The following FCF1 variants were observed in gnomAD, a reference collection of about 807,000 sequenced individuals.
FCF1 encodes the protein rRNA-processing protein FCF1 homolog.
Under a neutral mutation model 32.5 loss-of-function variants are expected in FCF1, and 17 were observed. That is an observed-to-expected ratio of 0.52 (90% CI 0.36 to 0.78). FCF1 has a LOEUF of 0.78. Ranked by LOEUF, FCF1 falls within the 30% of genes least tolerant of loss-of-function variation. The pLI, the probability that FCF1 is intolerant of heterozygous loss-of-function variation, is 0.00. For missense variants in FCF1, 201 were observed against 241.1 expected (o/e 0.83, Z 1.10); for synonymous variants, 84 against 78.4 (o/e 1.07, Z -0.38).
At chr14:74,716,843 G>A (rs1293049069) in intron 4 of FCF1, among the ~76,000 whole-genome samples, 1 of 152,142 alleles carries the variant, frequency 6.6e-6, no homozygotes, top group Non-Finnish European at 1.5e-5. Flanking sequence ...TAAATTACTG[G>A]AATCAAAGGG....
intron 4 of FCF1, among the ~76,000 whole-genome samples, chr14:74,722,469 C>T (rs2090517554): frequency 6.6e-6 from 1 of 152,126 alleles, no homozygotes; most frequent in African/African-American, 2.4e-5. Context: ...ATTTAGTTAA[C>T]TTCTTTGTGT....
intron 3 of FCF1, 193 bp from the exon 4 acceptor site, chr14:74,715,758 A>T (rs2090409481): frequency 7.9e-7 from 1 of 1,271,952 alleles, no homozygotes; most frequent in African/African-American, 1.5e-5. Flanking sequence ...TTGGTGACAA[A>T]GGTTGCCAGG....
intron 5 of FCF1, among the ~76,000 whole-genome samples, chr14:74,727,943 G>A (rs939819723): frequency 2.6e-5 from 4 of 152,266 alleles, no homozygotes; most frequent in Non-Finnish European, 5.9e-5. Flanking sequence ...TGAGGGCTCT[G>A]TTCCGTTTCA....
At position 74,736,051 on chromosome 14, in the gene FCF1, G is replaced by T. The variant is rs1397634006; in HGVS notation, c.*1121G>T. The T allele has an allele frequency of 6.6e-6, 1 of 152,342 alleles. No individual in the cohort carries two copies. The highest frequency in any genetic ancestry group is 1.5e-5 in the Non-Finnish European group (1 of 68,228). The allele number at this position is 152,342 out of a possible 1,614,324, so 9.4% of individuals were successfully genotyped here. A position where few individuals can be genotyped will look rare whatever the true frequency, so the allele number is the denominator to read the frequency against. On this transcript the variant is annotated 3_prime_UTR_variant, in exon 8 of 8. Transcript: ENST00000341162. ...GGAGTAGCTGGGACTATAGGTGCGTGCCACCACGTCCAGCCACTGATGCTG... is the reference window on the plus strand; with the variant it reads ...GGAGTAGCTGGGACTATAGGTGCGTTCCACCACGTCCAGCCACTGATGCTG...
intron 4 of FCF1, among the ~76,000 whole-genome samples, chr14:74,719,287 C>G (rs1456035662): frequency 6.7e-6 from 1 of 149,552 alleles, no homozygotes; most frequent in Admixed American, 6.7e-5. Context: ...AGAGCAAGAC[C>G]CTGTCTTTAA....
chr14:74,715,304 G>GGT (rs2090403673), intron 3 of FCF1, among the ~76,000 whole-genome samples: 13 of 151,938 alleles, frequency 8.6e-5, no homozygotes, highest in Non-Finnish European at 1.9e-4. Context: ...TTTATATAAA[G>GGT]ATATGACCTT....
chr14:74,731,430 T>A (rs1220528484), intron 5 of FCF1, among the ~76,000 whole-genome samples: 2 of 152,158 alleles, frequency 1.3e-5, no homozygotes, highest in African/African-American at 4.8e-5. Context: ...CCATCCTCCC[T>A]CTAGTGTATC....
chr14:74,718,343 C>T (rs954462376), intron 4 of FCF1, among the ~76,000 whole-genome samples: 2 of 152,114 alleles, frequency 1.3e-5, no homozygotes, highest in African/African-American at 4.8e-5. Context: ...GTTACTTTCC[C>T]TTTCCTTGTA....
intron 4 of FCF1, among the ~76,000 whole-genome samples, chr14:74,718,787 C>T (rs1303153943): frequency 6.6e-6 from 1 of 151,900 alleles, no homozygotes; most frequent in Non-Finnish European, 1.5e-5. Flanking sequence ...TAATATACTT[C>T]TAAAAAATTC....
chr14:74,714,683 T>G (rs116607112), intron 2 of FCF1, among the ~76,000 whole-genome samples, 189 bp from the exon 3 acceptor site: 1,752 of 152,240 alleles, frequency 0.012, 33 homozygotes, highest in African/African-American at 0.039. Context: ...TTCTGATACT[T>G]CCAGGTACTG....
chr14:74,723,353 G>A lies in FCF1; in HGVS notation c.365+9G>A, dbSNP rs774102719. Reference sequence around the variant, plus strand: ...TATCGAGTGGCTCTAAGGTAGGAAGGAGGTAAACTAGATCTGTTCTAGATT... The same window carrying A: ...TATCGAGTGGCTCTAAGGTAGGAAGAAGGTAAACTAGATCTGTTCTAGATT... On this transcript the variant is annotated intron_variant, in intron 5 of 7. Transcript: ENST00000341162. 6.2e-7 allele frequency: 1 copy of A among 1,600,756 alleles called. No homozygotes were observed. Among genetic ancestry groups the A allele is most frequent in the Admixed American group, 1.7e-5 (1 of 59,902 alleles).
intron 5 of FCF1, among the ~76,000 whole-genome samples, chr14:74,725,760 C>T (rs1374589238): frequency 6.6e-6 from 1 of 151,982 alleles, no homozygotes; most frequent in Non-Finnish European, 1.5e-5. Flanking sequence ...CGGTGAAACC[C>T]TGTCTCTACT....
chr14:74,715,736 G>A, intron 3 of FCF1: 1 of 1,019,120 alleles, frequency 9.8e-7, no homozygotes, highest in Non-Finnish European at 1.4e-6. Context: ...TTTGATAATT[G>A]CTTTTTTAAA....
intron 5 of FCF1, among the ~76,000 whole-genome samples, chr14:74,724,639 T>G (rs2090551323): frequency 6.6e-6 from 1 of 152,198 alleles, no homozygotes; most frequent in African/African-American, 2.4e-5. Flanking sequence ...GCACGGTGGC[T>G]CATGCCTGTA....
At chr14:74,723,128 A>G (rs2090528516) in intron 4 of FCF1, 144 bp from the exon 5 acceptor site, 7 of 618,256 alleles carry the variant, frequency 1.1e-5, no homozygotes, top group Non-Finnish European at 1.8e-5. Context: ...CTTCTACTCT[A>G]GTTCTTCTTG....
intron 3 of FCF1, chr14:74,715,665 T>C (rs2140018401): frequency 2.1e-6 from 1 of 478,244 alleles, no homozygotes; most frequent in Non-Finnish European, 3.8e-6. Context: ...GTGCCCATGG[T>C]GATTCTACTT....
At chr14:74,720,089 C>T (rs1377664967) in intron 4 of FCF1, among the ~76,000 whole-genome samples, 1 of 152,020 alleles carries the variant, frequency 6.6e-6, no homozygotes, top group East Asian at 1.9e-4. Flanking sequence ...TTGCAGTGAG[C>T]CAAGATCGTG....
chr14:74,716,597 T>C (rs1050933918), intron 4 of FCF1, among the ~76,000 whole-genome samples: 2 of 152,204 alleles, frequency 1.3e-5, no homozygotes, highest in Non-Finnish European at 2.9e-5. Flanking sequence ...TGAGGTAGTT[T>C]ATTTACACCT....
chr14:74,715,812 C>T (rs2090410442), intron 3 of FCF1, 139 bp from the exon 4 acceptor site: 4 of 1,584,924 alleles, frequency 2.5e-6, no homozygotes, highest in Non-Finnish European at 3.4e-6. Flanking sequence ...TCCTTGCCTT[C>T]CTTTTTAGGA....
Sources: gnomAD v4.1 joint callset for allele counts (sites outside exome capture counted in the v4.1 genomes callset) on GRCh38, gnomAD v4.1.1 for gene constraint, MANE v1.5 for transcripts, NCBI Gene and HGNC (gene_info 2026-07-23, HGNC 2026-07-21) for gene names.